The following GARNL3 variants were observed in gnomAD, a reference collection of about 807,000 sequenced individuals.
GARNL3 encodes GTPase activating Rap/RanGAP domain like 3, also known as GTPase-activating Rap/Ran-GAP domain-like protein 3.
Under a neutral mutation model 125.0 loss-of-function variants are expected in GARNL3, and 63 were observed. The observed-to-expected ratio is 0.50, with a 90% CI of 0.41 to 0.62. The LOEUF is 0.62. Ranked by LOEUF, GARNL3 falls within the 20% of genes least tolerant of loss-of-function variation. The pLI, the probability that GARNL3 is intolerant of heterozygous loss-of-function variation, is 0.00. For missense variants in GARNL3, 994 were observed against 1,244.0 expected, an observed-to-expected ratio of 0.80 and a Z score of 3.02; for synonymous variants, 439 against 457.5, an observed-to-expected ratio of 0.96 and a Z score of 0.52.
intron 8 of GARNL3, 75 bp from the exon 9 acceptor site, chr9:127,332,948 C>G (rs1344626695): frequency 9.9e-7 from 1 of 1,013,466 alleles, no homozygotes. Context: ...AATTTTCCAG[C>G]GATTCCGGTC....
intron 2 of GARNL3, among the ~76,000 whole-genome samples, chr9:127,248,462 C>T (rs1433083717): frequency 6.6e-6 from 1 of 152,156 alleles, no homozygotes; most frequent in Admixed American, 6.5e-5. Flanking sequence ...TCAGACTCTC[C>T]CACAGGAGGG....
intron 1 of GARNL3, among the ~76,000 whole-genome samples, chr9:127,284,801 T>G (rs1418860965): frequency 4.0e-5 from 6 of 151,756 alleles, no homozygotes; most frequent in Admixed American, 1.3e-4. Context: ...ATATATAAAT[T>G]CTTGAGTCAA....
rs1475343230 is a variant in GARNL3 at position 127,392,393 on chromosome 9, G to T, written c.2871-690G>T. On this transcript the variant is annotated intron_variant, in intron 27 of 27. Coordinates refer to ENST00000373387, the MANE Select transcript of GARNL3 (RefSeq NM_032293.5). This position sits in a 1 kb window ranked among gnomAD's most constrained non-coding sequence, Gnocchi z 5.2. ...TTTTGAGGAAGTAGCATTGGGCTGG[G>T]CTTGGAATAAACGGTAAGAAGCTAG... 6.6e-6 allele frequency among the ~76,000 whole-genome samples: 1 copy of T among 152,244 alleles called. No individual in the cohort carries two copies. Among genetic ancestry groups the T allele is most frequent in the South Asian group, 2.1e-4 (1 of 4,836 alleles).
chr9:127,307,286 C>T (rs1269710384), intron 2 of GARNL3, among the ~76,000 whole-genome samples: 1 of 152,176 alleles, frequency 6.6e-6, no homozygotes, highest in East Asian at 1.9e-4. Context: ...GTTCCCCACT[C>T]ATAGAGATCT....
chr9:127,302,878 A>G (rs1390613054), intron 2 of GARNL3, among the ~76,000 whole-genome samples: 2 of 152,304 alleles, frequency 1.3e-5, no homozygotes, highest in East Asian at 1.9e-4. Context: ...CGGGCTGGGC[A>G]TGGTGGCTCA....
chr9:127,272,130 T>C (rs1325474309), intron 1 of GARNL3, among the ~76,000 whole-genome samples: 2 of 150,032 alleles, frequency 1.3e-5, no homozygotes, highest in South Asian at 4.1e-4. Context: ...AGTCTTGATA[T>C]GTAGTAATTT....
chr9:127,388,682 G>A, intron 25 of GARNL3: 2 of 571,268 alleles, frequency 3.5e-6, no homozygotes, highest in Admixed American at 3.1e-5. Context: ...AGTCACGAGT[G>A]CATTTTACCT....
At chr9:127,291,289 A>T in intron 2 of GARNL3, 47 bp downstream of exon 2, 2 of 1,493,884 alleles carry the variant, frequency 1.3e-6, no homozygotes, top group African/African-American at 2.8e-5. Context: ...GCACATGATT[A>T]TAGTGCCTGG....
intron 27 of GARNL3, among the ~76,000 whole-genome samples, chr9:127,391,004 G>A (rs1832795407): frequency 6.6e-6 from 1 of 152,214 alleles, no homozygotes; most frequent in Non-Finnish European, 1.5e-5. Flanking sequence ...TTGAGACCTG[G>A]CCAGGCACAG....
At chr9:127,269,414 T>C (rs1436114572) in intron 1 of GARNL3, among the ~76,000 whole-genome samples, 1 of 152,258 alleles carries the variant, frequency 6.6e-6, no homozygotes, top group Non-Finnish European at 1.5e-5. Context: ...CTGCTTTTGA[T>C]TGTTTGGAGT....
chr9:127,274,418 C>A (rs1054307598), intron 1 of GARNL3, among the ~76,000 whole-genome samples: 3 of 152,196 alleles, frequency 2.0e-5, no homozygotes, highest in African/African-American at 7.2e-5. Context: ...CCTTGGGAAC[C>A]TTGATACCAG....
intron 7 of GARNL3, among the ~76,000 whole-genome samples, chr9:127,326,630 C>A (rs1297631878): frequency 6.6e-6 from 1 of 152,086 alleles, no homozygotes; most frequent in African/African-American, 2.4e-5. Flanking sequence ...CTACTATGCA[C>A]CCATAGTGCA....
chr9:127,225,658 G>T (rs1383120046), intron 1 of GARNL3, among the ~76,000 whole-genome samples: 1 of 151,996 alleles, frequency 6.6e-6, no homozygotes, highest in African/African-American at 2.4e-5. Context: ...CGCGGCTTCG[G>T]CGGGGCATGG....
intron 2 of GARNL3, among the ~76,000 whole-genome samples, chr9:127,297,255 C>T (rs1207186211): frequency 6.6e-6 from 1 of 152,150 alleles, no homozygotes; most frequent in African/African-American, 2.4e-5. Context: ...CCTCCAACCT[C>T]AGCCTTCTGT....
intron 22 of GARNL3, chr9:127,366,891 C>T (rs1346878245): frequency 6.6e-6 from 1 of 152,240 alleles, no homozygotes; most frequent in Admixed American, 6.5e-5. Flanking sequence ...CATGGCTTTG[C>T]TCATCTTCCG....
intron 17 of GARNL3, among the ~76,000 whole-genome samples, chr9:127,351,965 C>T (rs1830444349): frequency 6.6e-6 from 1 of 152,196 alleles, no homozygotes; most frequent in Admixed American, 6.5e-5. Context: ...CCTGTTCAGC[C>T]ATCTGAGAAA....
chr9:127,320,838 C>A, intron 6 of GARNL3, 60 bp downstream of exon 6: 4 of 1,128,712 alleles, frequency 3.5e-6, no homozygotes, highest in Non-Finnish European at 5.4e-6. Context: ...TAGGATAGAA[C>A]TGACAGGTCA....
At chr9:127,245,452 A>C (rs571528257) in intron 2 of GARNL3, 1 of 152,256 alleles carries the variant, frequency 6.6e-6, no homozygotes, top group East Asian at 1.9e-4. Context: ...TTAGGAAGGA[A>C]CCCAGCGGCA....
intron 26 of GARNL3, among the ~76,000 whole-genome samples, chr9:127,390,417 CT>C (rs1172067877): frequency 6.6e-6 from 1 of 152,136 alleles, no homozygotes; most frequent in Non-Finnish European, 1.5e-5. Context: ...TCATTAGGCT[CT>C]TTGAGTCTAA....
Sources: allele counts gnomAD v4.1 joint callset (sites outside exome capture counted in the v4.1 genomes callset), GRCh38; gene constraint gnomAD v4.1.1; non-coding constraint Gnocchi (gnomAD v3.1); transcripts MANE v1.5; gene names NCBI Gene and HGNC (gene_info 2026-07-23, HGNC 2026-07-21).